Variants in KIF17 observed in about 807,000 individuals in gnomAD.
KIF17 encodes kinesin-like protein KIF17.
In KIF17, 80 loss-of-function variants were observed where a neutral mutation model predicts 96.8. The ratio of observed to expected loss-of-function variants is 0.83; its 90% CI spans 0.69 to 1.00. KIF17 has a LOEUF of 1.00. Among genes scored for constraint, KIF17 ranks in the 50% least tolerant of loss-of-function variants. The pLI is 0.00. For synonymous variants in KIF17, 567 were observed against 587.5 expected, an observed-to-expected ratio of 0.97 and a Z score of 0.51; for missense variants, 1,280 against 1,372.9, an observed-to-expected ratio of 0.93 and a Z score of 1.07.
At chr1:20,689,215 A>AATGTG (rs1485311975) in intron 7 of KIF17, among the ~76,000 whole-genome samples, 49 of 152,290 alleles carry the variant, frequency 3.2e-4, no homozygotes, top group Non-Finnish European at 5.0e-4. Flanking sequence ...AACAAGCGGT[A>AATGTG]CCGACGGTGC....
In KIF17 at chr1:20,685,282, G is replaced by C; in HGVS notation, c.2020-262C>G. 1.5e-6 allele frequency: 1 copy of C among 662,924 alleles called. No homozygotes were observed. The highest frequency in any genetic ancestry group is 2.8e-6 in the Non-Finnish European group (1 of 359,278). 41.1% of individuals were successfully genotyped at this position (662,924 alleles called of 1,614,324 possible). ...ACAATCCAGTCTCCACAGGCAGCCA[G>C]GGCCATCTTAAAATAGAAACCGATC... is the stretch of plus-strand genomic sequence containing the variant. On this transcript the variant is annotated intron_variant, in intron 9 of 14. Transcript: ENST00000400463. This position sits in a 1 kb window ranked among gnomAD's most constrained non-coding sequence, Gnocchi z 4.1.
In KIF17 at chr1:20,664,159, C is replaced by T; in HGVS notation, c.*425G>A. 3.1e-6 allele frequency: 1 copy of T among 323,782 alleles called. No individual in the cohort carries two copies. The highest frequency in any genetic ancestry group is 5.7e-6 in the Non-Finnish European group (1 of 174,682). 20.1% of individuals were successfully genotyped at this position (323,782 alleles called of 1,614,324 possible). ...GCAGGGCAGTGCTTAGGAAGTGGGG[C>T]CAGTCAGACAGAGGCACAGTTCCTT... On this transcript the variant is annotated 3_prime_UTR_variant, in exon 15 of 15. Transcript: ENST00000400463.
intron 12 of KIF17, among the ~76,000 whole-genome samples, chr1:20,670,966 T>G (rs947363058): frequency 1.3e-5 from 2 of 151,772 alleles, no homozygotes; most frequent in African/African-American, 4.8e-5. Context: ...TCATCAGAGG[T>G]GAGGAGGCTT....
intron 12 of KIF17, 112 bp downstream of exon 12, chr1:20,671,826 C>T (rs889516262): frequency 7.6e-6 from 10 of 1,316,552 alleles, no homozygotes; most frequent in African/African-American, 7.3e-5. Flanking sequence ...CCCAGGGTCA[C>T]GTGTCTTCTA....
chr1:20,670,519 T>G, intron 12 of KIF17, 31 bp from the exon 13 acceptor site: 1 of 1,609,276 alleles, frequency 6.2e-7, no homozygotes, highest in Non-Finnish European at 8.5e-7. Flanking sequence ...CTGAAGTCAC[T>G]GCTGCCTGGT....
intron 14 of KIF17, 40 bp downstream of exon 14, chr1:20,666,174 A>T: frequency 1.4e-6 from 2 of 1,405,516 alleles, no homozygotes; most frequent in Non-Finnish European, 2.0e-6. Context: ...CGCCTCTCCC[A>T]GTTGTGTGGA....
Position 20,672,238 on chromosome 1 carries a change from C to T in KIF17, c.2464-42G>A. On this transcript the variant is annotated intron_variant, in intron 11 of 14. Coordinates refer to ENST00000400463, the MANE Select transcript of KIF17 (RefSeq NM_001122819.3). This position sits in a 1 kb window ranked among gnomAD's most constrained non-coding sequence, Gnocchi z 4.3. Reference sequence around the variant, plus strand: ...ACAAGCAGTGAGCAGGGAAAGATACCTCCCCTTCCATCTAACCACCCTGTC... The same window carrying T: ...ACAAGCAGTGAGCAGGGAAAGATACTTCCCCTTCCATCTAACCACCCTGTC... 6.2e-7 allele frequency: 1 copy of T among 1,610,402 alleles called. No individual in the cohort carries two copies. Among genetic ancestry groups the T allele is most frequent in the Non-Finnish European group, 8.5e-7 (1 of 1,179,166 alleles).
rs1235197360 is a variant in KIF17 at position 20,672,184 on chromosome 1, C to G, written c.2476G>C (p.Glu826Gln). The G allele has an allele frequency of 1.9e-6, 3 of 1,614,042 alleles. No homozygotes were observed. In the Admixed American group the frequency reaches 5.0e-5, roughly 27 times the overall value. Residue 826 changes from glutamate (E) to glutamine (Q), a missense_variant, in exon 12 of 15, where the codon GAG becomes CAG. Physicochemically the swap from Glu to Gln is conservative, Grantham distance 29. Transcript: ENST00000400463. This position sits in a 1 kb window ranked among gnomAD's most constrained non-coding sequence, Gnocchi z 4.3. The part of the protein sequence containing the change: ...EKMQRKLRAA[E>Q]VEIKDLQSEF... ...GACTGCAGATCTTTGATCTCCACCT[C>G]TGCTGCCCGAAGCTGAAAGCAAAGG...
At chr1:20,671,505 ATT>A (rs759071973) in intron 12 of KIF17, among the ~76,000 whole-genome samples, 3 of 141,346 alleles carry the variant, frequency 2.1e-5, no homozygotes, top group Admixed American at 7.0e-5. Context: ...TAATTTTTCT[ATT>A]TTTTTTTTTT....
intron 5 of KIF17, among the ~76,000 whole-genome samples, chr1:20,702,400 C>T (rs547387101): frequency 3.0e-4 from 45 of 152,268 alleles, no homozygotes; most frequent in Admixed American, 1.2e-3. Flanking sequence ...CTGCTGGGTG[C>T]GGGGGCCGCG....
rs926634552 is a variant in KIF17, at chr1:20,698,434, A to C, written c.1178T>G (p.Leu393Trp). The change falls in exon 6 of 15, where the codon TTG becomes TGG. Residue 393 changes from leucine to tryptophan, a missense_variant. Coordinates refer to ENST00000400463, the MANE Select transcript of KIF17 (RefSeq NM_001122819.3). Reference protein sequence around the residue: ...PDPVQVEEKLLPQPVIQHDVE... With the variant: ...PDPVQVEEKLWPQPVIQHDVE... ...GTCATGCTGGATCACAGGTTGGGGCAACAGCTTCTCCTCCACCTGCACAGG... is the reference window on the plus strand; with the variant it reads ...GTCATGCTGGATCACAGGTTGGGGCCACAGCTTCTCCTCCACCTGCACAGG... 1 of 1,613,748 alleles carries C rather than the reference A, an allele frequency of 6.2e-7. No individual in the cohort carries two copies. Among genetic ancestry groups the C allele is most frequent in the African/African-American group, 1.3e-5 (1 of 74,930 alleles).
rs1373365713 is a variant in KIF17 at position 20,704,373 on chromosome 1, G to A, written c.1123+74C>T. 1 of 1,237,528 alleles carries A rather than the reference G, an allele frequency of 8.1e-7. No individual in the cohort carries two copies. The highest frequency in any genetic ancestry group is 1.2e-6 in the Non-Finnish European group (1 of 864,290). 76.7% of individuals were successfully genotyped at this position (1,237,528 alleles called of 1,614,324 possible). A position where few individuals can be genotyped will look rare whatever the true frequency, so the allele number is the denominator to read the frequency against. On this transcript the variant is annotated intron_variant, in intron 5 of 14. Coordinates refer to ENST00000400463, the MANE Select transcript of KIF17 (RefSeq NM_001122819.3). The surrounding 1 kb of genome is among the most constrained non-coding windows in gnomAD (Gnocchi z 6.8). ...ACTGTCTTTTAGGTGGGAAGTTGGA[G>A]GCGAGAAGACAGAGGGAAGGAAGCT... is the stretch of plus-strand genomic sequence containing the variant.
rs149437507 is a variant in KIF17 at position 20,687,570 on chromosome 1, C to A, written c.1756G>T (p.Ala586Ser). ...FLDECLGQEA[A>S]GHLLGEQNYL... ...TTCTGTTCCCCCAGCAGGTGCCCAGCGGCCTCCTGCCCGAGGCACTCATCC... is the reference window on the plus strand; with the variant it reads ...TTCTGTTCCCCCAGCAGGTGCCCAGAGGCCTCCTGCCCGAGGCACTCATCC... The change falls in exon 8 of 15, where the codon GCT becomes TCT. Residue 586 changes from alanine (A) to serine (S), a missense_variant. Transcript: ENST00000400463. This position sits in a 1 kb window ranked among gnomAD's most constrained non-coding sequence, Gnocchi z 4.4. 5 of 1,613,886 alleles carry A rather than the reference C, an allele frequency of 3.1e-6. No individual in the cohort carries two copies. In the South Asian group the frequency reaches 3.3e-5, roughly 11 times the overall value.
At chr1:20,696,769 G>A (rs1436260850) in intron 6 of KIF17, among the ~76,000 whole-genome samples, 2 of 151,734 alleles carry the variant, frequency 1.3e-5, no homozygotes, top group African/African-American at 2.4e-5. Context: ...TCCGAGCCCC[G>A]CTGTGTGACT....
At position 20,699,989 on chromosome 1, in the gene KIF17, G is replaced by A. The variant is rs1277014171; in HGVS notation, c.1124-1501C>T. 6.6e-6 allele frequency among the ~76,000 whole-genome samples: 1 copy of A among 152,212 alleles called. No homozygotes were observed. The highest frequency in any genetic ancestry group is 6.5e-5 in the Admixed American group (1 of 15,280). ...AGTGCACTGAGGGGAACCAGGGTTA[G>A]GCACGAGGAGACCCGTTGCGGGGGC... On this transcript the variant is annotated intron_variant, in intron 5 of 14. Transcript: ENST00000400463. The surrounding 1 kb of genome is among the most constrained non-coding windows in gnomAD (Gnocchi z 4.3).
chr1:20,693,315 G>A (rs987844100), intron 6 of KIF17: 1 of 148,898 alleles, frequency 6.7e-6, no homozygotes, highest in Non-Finnish European at 1.5e-5. Flanking sequence ...CGCAGTCTCA[G>A]CTCATTGCCA....
At chr1:20,668,340 A>C (rs746846581) in intron 13 of KIF17, among the ~76,000 whole-genome samples, 1 of 152,040 alleles carries the variant, frequency 6.6e-6, no homozygotes, top group Non-Finnish European at 1.5e-5. Context: ...AGACAGACAC[A>C]GACCCTGACT....
chr1:20,716,187 A>G lies in KIF17; in HGVS notation c.232-548T>C, dbSNP rs926254876. On this transcript the variant is annotated intron_variant, in intron 1 of 14. Transcript: ENST00000400463. ...TTATTGAACCCAGGAGATTGCAGTG[A>G]GCCGAGGTCGTGCCACTGCACCCCA... 4.7e-5 allele frequency among the ~76,000 whole-genome samples: 7 copies of G among 147,942 alleles called. No individual in the cohort carries two copies. In the South Asian group the frequency reaches 1.3e-3, roughly 27 times the overall value.
At chr1:20,662,833 C>T (rs2053459914), downstream of KIF17, among the ~76,000 whole-genome samples, 1 of 151,956 alleles carries the variant, frequency 6.6e-6, no homozygotes, top group Non-Finnish European at 1.5e-5. Context: ...GGAGCGCCCT[C>T]CTTACACCCC....
Sources: gnomAD v4.1 joint callset for allele counts (sites outside exome capture counted in the v4.1 genomes callset) on GRCh38, gnomAD v4.1.1 for gene constraint, Gnocchi (gnomAD v3.1) non-coding constraint, MANE v1.5 for transcripts, NCBI Gene and HGNC (gene_info 2026-07-23, HGNC 2026-07-21) for gene names.